The following ZSCAN29 variants were observed in gnomAD, a reference collection of about 807,000 sequenced individuals.
The protein encoded by ZSCAN29 is zinc finger and SCAN domain containing 29.
In ZSCAN29, 55 loss-of-function variants were observed where a neutral mutation model predicts 71.9. The observed-to-expected ratio is 0.76, with a 90% confidence interval of 0.62 to 0.96. The LOEUF is 0.96. Among genes scored for constraint, ZSCAN29 ranks in the 40% least tolerant of loss-of-function variants. ZSCAN29 has a pLI of 0.00. For missense variants in ZSCAN29, 1,042 were observed against 1,042.2 expected (o/e 1.00, Z 0.00); for synonymous variants, 351 against 371.6 (o/e 0.94, Z 0.64).
intron 3 of ZSCAN29, 27 bp downstream of exon 3, chr15:43,368,896 A>G (rs1260774599): frequency 7.8e-6 from 12 of 1,546,964 alleles, no homozygotes; most frequent in African/African-American, 1.4e-5. Context: ...ATGGCAGTCT[A>G]TCTTCCCATA....
chr15:43,369,024 T>G lies in ZSCAN29; in HGVS notation c.422A>C (p.Gln141Pro). The G allele has an allele frequency of 6.2e-7, 1 of 1,612,750 alleles. No homozygotes were observed. Among genetic ancestry groups the G allele is most frequent in the Non-Finnish European group, 8.5e-7 (1 of 1,179,402 alleles). Reference sequence around the variant, plus strand: ...CTCTTTCTTGGGTACACCCCTGGGCTGGGGTTCCACTGACTCCTGCCGAAC... The same window carrying G: ...CTCTTTCTTGGGTACACCCCTGGGCGGGGGTTCCACTGACTCCTGCCGAAC... ...LSVRQESVEP[Q>P]PRGVPKKERA... The change falls in exon 3 of 6, where the codon CAG becomes CCG. Residue 141 changes from glutamine (Q) to proline (P), a missense_variant. Physicochemically the swap from Gln to Pro is moderately conservative, Grantham distance 76. Coordinates refer to ENST00000684362, the MANE Select transcript of ZSCAN29 (RefSeq NM_001372080.1).
In ZSCAN29 at chr15:43,363,946, G is replaced by A. The variant is rs745438331; in HGVS notation, c.1659C>T (p.Thr553=). Residue 553 remains threonine, a synonymous_variant, in exon 5 of 6, where the codon ACC becomes ACT. Coordinates refer to ENST00000684362, the MANE Select transcript of ZSCAN29 (RefSeq NM_001372080.1). ...GGCTTTGGAATAACACTGGAGCACG[G>A]GTTATGACAGCCCCTGGGGGTATCT... ...DTEIPPGAVI[T]RAPVLFQSPR... is the part of the protein sequence containing the mutation. 1 of 1,612,014 alleles carries A rather than the reference G, an allele frequency of 6.2e-7. No homozygotes were observed. The highest frequency in any genetic ancestry group is 1.1e-5 in the South Asian group (1 of 90,986).
Position 43,366,551 on chromosome 15 carries a change from T to C in ZSCAN29, c.781A>G (p.Ser261Gly). 6.2e-7 allele frequency: 1 copy of C among 1,614,262 alleles called. No homozygotes were observed. Among genetic ancestry groups the C allele is most frequent in the Non-Finnish European group, 8.5e-7 (1 of 1,180,046 alleles). The change falls in exon 4 of 6, where the codon AGC becomes GGC. Residue 261 changes from serine (S) to glycine (G), a missense_variant. Transcript: ENST00000684362. ...EETRTLLAIL[S>G]QTEFYEALRN... ...AGAGCCTCATAAAACTCAGTCTGGC[T>C]GAGAATTGCGAGGAGCGTTCTGGTC... is the stretch of plus-strand genomic sequence containing the variant.
chr15:43,364,514 T>G, intron 4 of ZSCAN29, 132 bp from the exon 5 acceptor site: 1 of 868,210 alleles, frequency 1.2e-6, no homozygotes. Context: ...AAATACTTCA[T>G]GTTTCCAAAA....
intron 4 of ZSCAN29, among the ~76,000 whole-genome samples, chr15:43,365,374 A>G (rs1326681183): frequency 2.6e-5 from 4 of 152,256 alleles, no homozygotes; most frequent in African/African-American, 9.6e-5. Flanking sequence ...CATAGGCAAG[A>G]ATATTTAAAT....
intron 5 of ZSCAN29, among the ~76,000 whole-genome samples, chr15:43,362,752 C>T (rs954139583): frequency 4.6e-5 from 7 of 152,054 alleles, no homozygotes; most frequent in African/African-American, 1.7e-4. Context: ...GTATTGTGAG[C>T]CTCCAACAGG....
chr15:43,364,516 T>C, intron 4 of ZSCAN29, 134 bp from the exon 5 acceptor site: 1 of 855,026 alleles, frequency 1.2e-6, no homozygotes. Context: ...ATACTTCATG[T>C]TTCCAAAATC....
chr15:43,361,108 G>C lies in ZSCAN29; in HGVS notation c.2524C>G (p.Arg842Gly). 6.2e-7 allele frequency: 1 copy of C among 1,608,050 alleles called. No individual in the cohort carries two copies. The highest frequency in any genetic ancestry group is 8.5e-7 in the Non-Finnish European group (1 of 1,175,230). ...ALNKHGEIHA[R>G]EKLLTQSAPK ...GCTGACTGTGTCAGAAGCTTTTCCC[G>C]TGCATGGATTTCTCCGTGCTTATTA... The change falls in exon 6 of 6, where the codon CGG becomes GGG. Residue 842 changes from arginine (R) to glycine (G), a missense_variant. Arg to Gly is a moderately radical substitution (Grantham distance 125). Transcript: ENST00000684362.
chr15:43,362,758 A>G (rs1158878616), intron 5 of ZSCAN29, among the ~76,000 whole-genome samples: 3 of 152,208 alleles, frequency 2.0e-5, no homozygotes, highest in South Asian at 2.1e-4. Context: ...TGAGCCTCCA[A>G]CAGGGGTATT....
At chr15:43,365,981 G>T (rs1403435083) in intron 4 of ZSCAN29, 129 bp downstream of exon 4, 2 of 825,954 alleles carry the variant, frequency 2.4e-6, no homozygotes, top group African/African-American at 1.7e-5. Context: ...TACACACAAA[G>T]AATGGAGAAG....
intron 3 of ZSCAN29, 150 bp from the exon 4 acceptor site, chr15:43,366,958 T>TG (rs942144525): frequency 1.4e-6 from 1 of 722,178 alleles, no homozygotes; most frequent in African/African-American, 1.8e-5. Context: ...CTGAAAAAGG[T>TG]GGGGAAAATA....
chr15:43,368,853 C>A, intron 3 of ZSCAN29, 70 bp downstream of exon 3: 1 of 1,387,874 alleles, frequency 7.2e-7, no homozygotes, highest in South Asian at 1.5e-5. Flanking sequence ...CCCTTTCCCA[C>A]TCACTATTCC....
At chr15:43,368,619 AC>A (rs2044062982) in intron 3 of ZSCAN29, among the ~76,000 whole-genome samples, 1 of 152,156 alleles carries the variant, frequency 6.6e-6, no homozygotes, top group East Asian at 1.9e-4. Flanking sequence ...AAGATGGAAA[AC>A]AACCAAAAGG....
In ZSCAN29 at chr15:43,366,228, C is replaced by A; in HGVS notation, c.1104G>T (p.Gln368His). ...CAGCCTCTTCTGCTCCCTCCTCATG[C>A]TGCCAGCCCCTCTGCCCTGGCTCTT... ...ETEEPGQRGW[Q>H]HEEGAEEAVA... The change falls in exon 4 of 6, where the codon CAG (glutamine) becomes CAT (histidine). Residue 368 changes from glutamine to histidine, a missense_variant. Gln to His is a conservative substitution (Grantham distance 24). Coordinates refer to ENST00000684362, the MANE Select transcript of ZSCAN29 (RefSeq NM_001372080.1). 1 of 1,613,898 alleles carries A rather than the reference C, an allele frequency of 6.2e-7. No homozygotes were observed.
intron 5 of ZSCAN29, among the ~76,000 whole-genome samples, chr15:43,362,911 GC>G (rs1193776184): frequency 6.6e-6 from 1 of 152,084 alleles, no homozygotes; most frequent in African/African-American, 2.4e-5. Context: ...GCTACTATGT[GC>G]CAGGCACTGT....
rs151307138 is a variant in ZSCAN29 at position 43,369,052 on chromosome 15, T to G, written c.394A>C (p.Ser132Arg). Residue 132 changes from serine to arginine, a missense_variant, in exon 3 of 6, where the codon AGT becomes CGT. Coordinates refer to ENST00000684362, the MANE Select transcript of ZSCAN29 (RefSeq NM_001372080.1). Reference sequence around the variant, plus strand: ...GGTTCCACTGACTCCTGCCGAACACTTAATAACTCTTGTGATGATTTCGGG... The same window carrying G: ...GGTTCCACTGACTCCTGCCGAACACGTAATAACTCTTGTGATGATTTCGGG... ...TPPKSSQELL[S>R]VRQESVEPQP... is the part of the protein sequence containing the mutation. 4 of 1,611,698 alleles carry G rather than the reference T, an allele frequency of 2.5e-6. No homozygotes were observed. The highest frequency in any genetic ancestry group is 3.4e-6 in the Non-Finnish European group (4 of 1,178,680).
Position 43,367,308 on chromosome 15 carries a change from T to G in ZSCAN29, c.524-500A>C, listed in dbSNP as rs1041636665. 3.3e-5 allele frequency among the ~76,000 whole-genome samples: 5 copies of G among 152,290 alleles called. No homozygotes were observed. In the East Asian group the frequency reaches 9.6e-4, roughly 29 times the overall value. On this transcript the variant is annotated intron_variant, in intron 3 of 5. Coordinates refer to ENST00000684362, the MANE Select transcript of ZSCAN29 (RefSeq NM_001372080.1). ...TACTTATCCTCTCACACCCAGATAA[T>G]TGCAGCAGTCACTGTTCTACCTAAC...
Position 43,366,262 on chromosome 15 carries a change from G to C in ZSCAN29, c.1070C>G (p.Ala357Gly), listed in dbSNP as rs780096611. 1.4e-5 allele frequency: 23 copies of C among 1,613,418 alleles called. No homozygotes were observed. Among genetic ancestry groups the C allele is most frequent in the Non-Finnish European group, 1.9e-5 (23 of 1,180,036 alleles). The change falls in exon 4 of 6, where the codon GCT becomes GGT. Residue 357 changes from alanine (A) to glycine (G), a missense_variant. Transcript: ENST00000684362. ...CCTCTGCCCTGGCTCTTCAGTCTCA[G>C]CATCGCTGCCTACCAGGCCAGAGTG... is the stretch of plus-strand genomic sequence containing the variant. ...ASHSGLVGSD[A>G]ETEEPGQRGW...
In ZSCAN29 at chr15:43,370,752, C is replaced by G. The variant is rs2142744077; in HGVS notation, c.-307G>C. 6.5e-6 allele frequency: 1 copy of G among 153,448 alleles called. No homozygotes were observed. The highest frequency in any genetic ancestry group is 6.5e-5 in the Admixed American group (1 of 15,420). The allele number at this position is 153,448 out of a possible 1,614,324, so 9.5% of individuals were successfully genotyped here. A position where few individuals can be genotyped will look rare whatever the true frequency, so the allele number is the denominator to read the frequency against. On this transcript the variant is annotated 5_prime_UTR_variant, in exon 1 of 6. Coordinates refer to ENST00000684362, the MANE Select transcript of ZSCAN29 (RefSeq NM_001372080.1). Reference sequence around the variant, plus strand: ...GTTCGCGGACGCAGAGCTCTCAGCCCAAGGAGCAGCGGCTGCGGGATTCTG... The same window carrying G: ...GTTCGCGGACGCAGAGCTCTCAGCCGAAGGAGCAGCGGCTGCGGGATTCTG...
Sources: allele counts gnomAD v4.1 joint callset (sites outside exome capture counted in the v4.1 genomes callset), GRCh38; gene constraint gnomAD v4.1.1; transcripts MANE v1.5; gene names NCBI Gene and HGNC (gene_info 2026-07-23, HGNC 2026-07-21).